The following CROCC variants were observed in gnomAD, a reference collection of about 807,000 sequenced individuals.
The protein encoded by CROCC is rootletin.
CROCC carries 180 observed loss-of-function variants against 245.2 expected under a neutral mutation model. The ratio of observed to expected loss-of-function variants is 0.73; its 90% CI spans 0.65 to 0.83. CROCC has a LOEUF of 0.83. Ranked by LOEUF, CROCC falls within the 40% of genes least tolerant of loss-of-function variation. The probability of loss-of-function intolerance (pLI) is 0.00; values close to 1 mark genes in which losing one functional copy is unlikely to be tolerated. For missense variants in CROCC, 2,688 were observed against 2,779.4 expected, an observed-to-expected ratio of 0.97 and a Z score of 0.74; for synonymous variants, 1,205 against 1,241.6, an observed-to-expected ratio of 0.97 and a Z score of 0.62.
chr1:16,971,404 T>TCACATATGCA lies in CROCC; in HGVS notation c.5785-57_5785-56insTATGCACACA, dbSNP rs1224097354. On this transcript the variant is annotated intron_variant, in intron 35 of 36. Coordinates refer to ENST00000375541, the MANE Select transcript of CROCC (RefSeq NM_014675.5). ...TCCCAGGGAGGTACCTGACAACCCGTCACACATGCACACACACACTCACAC... is the reference window on the plus strand; with the variant it reads ...TCCCAGGGAGGTACCTGACAACCCGTCACATATGCACACACATGCACACACACACTCACAC... 5 of 1,458,886 alleles carry TCACATATGCA rather than the reference T, an allele frequency of 3.4e-6. No homozygotes were observed. In the East Asian group the frequency reaches 1.3e-4, roughly 39 times the overall value. 90.4% of individuals were successfully genotyped at this position (1,458,886 alleles called of 1,614,324 possible). A position where few individuals can be genotyped will look rare whatever the true frequency, so the allele number is the denominator to read the frequency against.
chr1:16,943,626 G>A (rs564980045), intron 13 of CROCC, among the ~76,000 whole-genome samples: 432 of 152,348 alleles, frequency 2.8e-3, no homozygotes, highest in African/African-American at 9.8e-3. Context: ...CAAGTCTTTG[G>A]GGTCCCAGTT....
rs756160167 is a variant in CROCC, at chr1:16,951,102, C to T, written c.2986C>T (p.Gln996Ter). 5 of 1,555,538 alleles carry T rather than the reference C, an allele frequency of 3.2e-6. No homozygotes were observed. In the South Asian group the frequency reaches 6.0e-5, roughly 19 times the overall value. Residue 996 changes from glutamine to a stop codon, truncating the protein, a stop_gained, in exon 20 of 37, where the codon CAG becomes TAG. Transcript: ENST00000375541. LOFTEE classifies it high-confidence loss of function. Reference sequence around the variant, plus strand: ...GCGGGCAGCTCACGAGGAGGACTTACAGCGACTCCAGCGTGAAAAGGTTCA... The same window carrying T: ...GCGGGCAGCTCACGAGGAGGACTTATAGCGACTCCAGCGTGAAAAGGTTCA... ...EQRAAHEEDL[Q>*]RLQREKEAAW... is the part of the protein sequence containing the mutation.
At chr1:16,934,063 T>C (rs1170061870) in intron 8 of CROCC, among the ~76,000 whole-genome samples, 9 of 152,252 alleles carry the variant, frequency 5.9e-5, no homozygotes, top group Non-Finnish European at 8.8e-5. Context: ...CTTTTTTGTT[T>C]GATCAAGACT....
upstream of CROCC, among the ~76,000 whole-genome samples, chr1:16,921,070 T>G (rs1490888716): frequency 1.3e-5 from 2 of 152,280 alleles, no homozygotes; most frequent in Non-Finnish European, 2.9e-5. Context: ...GATTTTCAAA[T>G]GAATGAAATG....
At position 16,940,178 on chromosome 1, in the gene CROCC, C is replaced by G. The variant is rs1251794559; in HGVS notation, c.1808+85C>G. The G allele has an allele frequency of 2.1e-6, 3 of 1,395,900 alleles. No individual in the cohort carries two copies. The African/African-American group carries it at 4.2e-5, about 20-fold the overall frequency. The allele number at this position is 1,395,900 out of a possible 1,614,324, so 86.5% of individuals were successfully genotyped here. The stretch of plus-strand genomic sequence containing the variant: ...CCAGTCAAGCCTTATGCGTATGGCT[C>G]TGCACTAATATGGTCGCCACTAGCT... On this transcript the variant is annotated intron_variant, in intron 13 of 36. Transcript: ENST00000375541.
Position 16,969,109 on chromosome 1 carries a change from C to G in CROCC, c.5077-7C>G. ...AGCCCCGATTGTTCTGGCTGTCCTC[C>G]TGCCAGGTGGCCGACAGCGAGGTGA... On this transcript the variant is annotated splice_region_variant and splice_polypyrimidine_tract_variant and intron_variant, in intron 31 of 36. Transcript: ENST00000375541. 6.3e-7 allele frequency: 1 copy of G among 1,591,608 alleles called. No homozygotes were observed. The highest frequency in any genetic ancestry group is 8.5e-7 in the Non-Finnish European group (1 of 1,169,846).
intron 36 of CROCC, 115 bp from the exon 37 acceptor site, chr1:16,972,245 A>G: frequency 1.2e-6 from 1 of 830,270 alleles, no homozygotes; most frequent in Non-Finnish European, 2.1e-6. Flanking sequence ...GCTCTCAGTG[A>G]GACCAGACCT....
chr1:16,916,842 G>GC (rs2075310678), intron 1 of CROCC, among the ~76,000 whole-genome samples: 1 of 152,298 alleles, frequency 6.6e-6, no homozygotes, highest in Non-Finnish European at 1.5e-5. Flanking sequence ...TCTGGGCTGG[G>GC]CGCAGTGGCT....
chr1:16,963,540 C>T (rs761818034), intron 27 of CROCC, among the ~76,000 whole-genome samples: 4 of 152,182 alleles, frequency 2.6e-5, no homozygotes, highest in Non-Finnish European at 5.9e-5. Flanking sequence ...CTGAGCGAGG[C>T]CTTTTGGGTG....
At chr1:16,962,763 T>G (rs1570703481) in intron 27 of CROCC, among the ~76,000 whole-genome samples, 1 of 145,920 alleles carries the variant, frequency 6.9e-6, no homozygotes, top group African/African-American at 2.5e-5. Context: ...GAGATGGGGT[T>G]TCACCATGTT....
At chr1:16,968,649 C>T (rs1214096540) in intron 31 of CROCC, among the ~76,000 whole-genome samples, 2 of 152,244 alleles carry the variant, frequency 1.3e-5, no homozygotes, top group Admixed American at 1.3e-4. Flanking sequence ...CATCTGCATA[C>T]ATAGGAGTCA....
At position 16,970,320 on chromosome 1, in the gene CROCC, G is replaced by T; in HGVS notation, c.5519G>T (p.Arg1840Leu). 1 of 1,585,568 alleles carries T rather than the reference G, an allele frequency of 6.3e-7. No homozygotes were observed. Among genetic ancestry groups the T allele is most frequent in the African/African-American group, 1.3e-5 (1 of 74,506 alleles). Reference sequence around the variant, plus strand: ...ACCGTCCAGAAGCTGCAAGACGAGCGGCGGCTGCTGCAGGAGCGCCTGGGA... The same window carrying T: ...ACCGTCCAGAAGCTGCAAGACGAGCTGCGGCTGCTGCAGGAGCGCCTGGGA... Reference protein sequence around the residue: ...LNTVQKLQDERRLLQERLGSL... With the variant: ...LNTVQKLQDELRLLQERLGSL... Residue 1840 changes from arginine to leucine, a missense_variant, in exon 34 of 37, where the codon CGG (arginine) becomes CTG (leucine). By Grantham distance (102) the Arg-to-Leu change is moderately radical. This residue lies in a region of CROCC where 1,218 missense variants were observed against 1,286.3 expected (regional missense o/e 0.95). Transcript: ENST00000375541.
chr1:16,939,935 C>T lies in CROCC; in HGVS notation c.1650C>T (p.Gly550=). Residue 550 remains glycine, a synonymous_variant, in exon 13 of 37, where the codon GGC becomes GGT. Coordinates refer to ENST00000375541, the MANE Select transcript of CROCC (RefSeq NM_014675.5). ...ATGAGGCAAGCCAGGACCTACTGGG[C>T]ACCCTGCGGAAGCAGCTTAGCGACA... ...GRYEASQDLL[G]TLRKQLSDSE... The T allele has an allele frequency of 6.2e-7, 1 of 1,612,722 alleles. No individual in the cohort carries two copies.
chr1:16,936,983 A>G, intron 9 of CROCC, 110 bp downstream of exon 9: 1 of 1,154,570 alleles, frequency 8.7e-7, no homozygotes, highest in Non-Finnish European at 1.3e-6. Flanking sequence ...TTCCTCTGTG[A>G]GCTCAGCCAG....
intron 9 of CROCC, 124 bp downstream of exon 9, chr1:16,936,997 TC>T: frequency 9.6e-7 from 1 of 1,045,322 alleles, no homozygotes; most frequent in Non-Finnish European, 1.4e-6. Flanking sequence ...CAGCCAGTCT[TC>T]CCATGCACTG....
intron 3 of CROCC, among the ~76,000 whole-genome samples, chr1:16,928,756 T>A (rs2075594259): frequency 6.6e-6 from 1 of 151,054 alleles, no homozygotes; most frequent in Non-Finnish European, 1.5e-5. Flanking sequence ...TGATCCGAGA[T>A]CGAGCCATTG....
chr1:16,943,379 A>C (rs2075973231), intron 13 of CROCC, among the ~76,000 whole-genome samples: 1 of 152,184 alleles, frequency 6.6e-6, no homozygotes, highest in South Asian at 2.1e-4. Context: ...TCTACTAAAA[A>C]TACAACAAAT....
chr1:16,939,868 A>C, intron 12 of CROCC, 26 bp from the exon 13 acceptor site: 1 of 1,606,888 alleles, frequency 6.2e-7, no homozygotes, highest in Non-Finnish European at 8.5e-7. Flanking sequence ...AGGCCCCCCC[A>C]GACTCTGTGA....
chr1:16,946,897 C>A lies in CROCC; in HGVS notation c.2420C>A (p.Ser807Tyr). 1 of 1,565,462 alleles carries A rather than the reference C, an allele frequency of 6.4e-7. No homozygotes were observed. The highest frequency in any genetic ancestry group is 8.7e-7 in the Non-Finnish European group (1 of 1,155,404). Reference protein sequence around the residue: ...QEVARQGLEGSLRVAEQAQEA... With the variant: ...QEVARQGLEGYLRVAEQAQEA... ...GTGGCGCGGCAGGGCCTGGAGGGCT[C>A]CCTACGAGTGGCGGAGCAGGCCCAG... is the stretch of plus-strand genomic sequence containing the variant. Residue 807 changes from serine (S) to tyrosine (Y), a missense_variant, in exon 17 of 37, where the codon TCC becomes TAC. Transcript: ENST00000375541.
Sources: gnomAD v4.1 joint callset for allele counts (sites outside exome capture counted in the v4.1 genomes callset) on GRCh38, gnomAD v4.1.1 for gene constraint, gnomAD v4.1.1 regional missense constraint, MANE v1.5 for transcripts, NCBI Gene and HGNC (gene_info 2026-07-23, HGNC 2026-07-21) for gene names.